The following PIR variants were observed in gnomAD, a reference collection of about 807,000 sequenced individuals.
PIR encodes the protein pirin.
PIR carries 22 observed loss-of-function variants against 24.2 expected under a neutral mutation model. The observed-to-expected ratio is 0.91, with a 90% CI of 0.65 to 1.30. The LOEUF (loss-of-function observed/expected upper bound fraction) is 1.30, where lower values mean the gene tolerates loss of function less well. Ranked by LOEUF, PIR falls within the 50% of genes most tolerant of loss-of-function variation. The pLI is 0.00. For missense variants in PIR, 220 were observed against 220.3 expected (o/e 1.00, Z 0.01); for synonymous variants, 80 against 79.6 (o/e 1.00, Z -0.03).
intron 5 of PIR, among the ~76,000 whole-genome samples, chrX:15,451,087 G>C (rs893628244): frequency 8.9e-6 from 1 of 111,805 alleles, no homozygotes; most frequent in South Asian, 3.7e-4. Context: ...CAATTAGTGG[G>C]CAGGTTGCTC....
rs150160260 is a variant in PIR, at chrX:15,413,225, G to A, written c.566-5675C>T. Among the ~76,000 whole-genome samples, 12 of 111,216 alleles carry A rather than the reference G, an allele frequency of 1.1e-4. 1 individual carries two copies. In the South Asian group the frequency reaches 1.6e-3, roughly 14 times the overall value. On this transcript the variant is annotated intron_variant, in intron 6 of 9. Coordinates refer to ENST00000380420, the MANE Select transcript of PIR (RefSeq NM_001018109.3). ...CCTTCAAATCTGTGCATGTGGAGAC[G>A]TTACACAATTCTGATGAGGCTGTGA...
intron 6 of PIR, 78 bp from the exon 7 acceptor site, chrX:15,407,628 CA>C (rs1924590590): frequency 1.4e-6 from 1 of 735,386 alleles, no homozygotes; most frequent in African/African-American, 2.1e-5. Flanking sequence ...ATTACAAACA[CA>C]AAGATAAATT....
chrX:15,395,076 C>T (rs771176327), intron 8 of PIR, among the ~76,000 whole-genome samples: 14 of 111,722 alleles, frequency 1.3e-4, no homozygotes, highest in Non-Finnish European at 2.4e-4. Flanking sequence ...ATGGGATTGG[C>T]GCGGCACTGG....
intron 8 of PIR, among the ~76,000 whole-genome samples, chrX:15,393,104 T>G (rs1038939971): frequency 8.9e-6 from 1 of 112,329 alleles, no homozygotes; most frequent in African/African-American, 3.2e-5. Context: ...CATACAAAAG[T>G]AGCAGAGGTC....
chrX:15,453,192 G>C lies in PIR; in HGVS notation c.480+2656C>G, dbSNP rs778453864. ...TTACTGGTGTCCTTTCTTGAGTGCA[G>C]GTTAATAACCCTTCCCAAATCACAG... On this transcript the variant is annotated intron_variant, in intron 5 of 9. Transcript: ENST00000380420. 2.7e-5 allele frequency among the ~76,000 whole-genome samples: 3 copies of C among 111,761 alleles called. No individual in the cohort carries two copies. In the South Asian group the frequency reaches 1.1e-3, roughly 42 times the overall value.
chrX:15,414,509 A>G (rs908233208), intron 6 of PIR, among the ~76,000 whole-genome samples: 1 of 112,337 alleles, frequency 8.9e-6, no homozygotes, highest in African/African-American at 3.2e-5. Context: ...AAACTAGTTT[A>G]GGCATTCGAA....
At chrX:15,454,672 AGAAGTTAGTT>A (rs1028293260) in intron 5 of PIR, among the ~76,000 whole-genome samples, 1 of 111,289 alleles carries the variant, frequency 9.0e-6, no homozygotes, top group Admixed American at 9.5e-5. Flanking sequence ...TAAAATTTAC[AGAAGTTAGTT>A]TTAGATAGTT....
chrX:15,478,022 C>A (rs910312895), intron 3 of PIR, among the ~76,000 whole-genome samples: 14 of 83,850 alleles, frequency 1.7e-4, no homozygotes, highest in African/African-American at 4.0e-4. Flanking sequence ...ATTCCCCCCC[C>A]CCCAGAAAGC....
At chrX:15,431,601 T>G (rs923504667) in intron 5 of PIR, among the ~76,000 whole-genome samples, 13 of 110,767 alleles carry the variant, frequency 1.2e-4, no homozygotes, top group African/African-American at 3.9e-4. Context: ...GTTGCACATT[T>G]TTTTTCCTTG....
chrX:15,399,886 A>T (rs1433666485), intron 7 of PIR, among the ~76,000 whole-genome samples: 1 of 111,393 alleles, frequency 9.0e-6, no homozygotes, highest in Non-Finnish European at 1.9e-5. Context: ...GATGTCAGAA[A>T]GGTCCATGGC....
At chrX:15,390,095 C>A in intron 9 of PIR, 90 bp downstream of exon 9, 4 of 428,238 alleles carry the variant, frequency 9.3e-6, no homozygotes, top group East Asian at 4.3e-5. Flanking sequence ...CAAAAAAAAC[C>A]AGCTATTCTT....
chrX:15,435,622 C>T (rs1925727417), intron 5 of PIR, among the ~76,000 whole-genome samples: 1 of 111,553 alleles, frequency 9.0e-6, no homozygotes, highest in Non-Finnish European at 1.9e-5. Context: ...TCCTCATCTT[C>T]CTTCTACCAC....
At chrX:15,418,656 G>C (rs554415668) in intron 6 of PIR, among the ~76,000 whole-genome samples, 16 of 111,863 alleles carry the variant, frequency 1.4e-4, no homozygotes, top group South Asian at 7.5e-4. Flanking sequence ...CACAACCCAA[G>C]AGAAACGTGC....
At chrX:15,404,669 A>G (rs1924498796) in intron 7 of PIR, among the ~76,000 whole-genome samples, 1 of 112,661 alleles carries the variant, frequency 8.9e-6, no homozygotes, top group African/African-American at 3.2e-5. Context: ...TATTGATTTT[A>G]TAAGTCAGTA....
chrX:15,410,635 T>C (rs1431748351), intron 6 of PIR, among the ~76,000 whole-genome samples: 1 of 111,886 alleles, frequency 8.9e-6, no homozygotes, highest in Non-Finnish European at 1.9e-5. Context: ...TTACATGATC[T>C]GGAAGGACCA....
In PIR at chrX:15,441,237, T is replaced by A. The variant is rs367890021; in HGVS notation, c.480+14611A>T. 5.3e-5 allele frequency among the ~76,000 whole-genome samples: 6 copies of A among 112,174 alleles called. No homozygotes were observed. The East Asian group carries it at 1.7e-3, about 31-fold the overall frequency. On this transcript the variant is annotated intron_variant, in intron 5 of 9. Coordinates refer to ENST00000380420, the MANE Select transcript of PIR (RefSeq NM_001018109.3). ...CTTATTTAGAATGCAATTTTAATTC[T>A]AGTTTATTTTAATGTGATTTATAAG...
chrX:15,449,704 C>A (rs930296127), intron 5 of PIR, among the ~76,000 whole-genome samples: 1 of 111,895 alleles, frequency 8.9e-6, no homozygotes, highest in African/African-American at 3.2e-5. Flanking sequence ...ATATTTGTAT[C>A]CATTTTTCTT....
chrX:15,399,880 T>A (rs1178300277), intron 7 of PIR, among the ~76,000 whole-genome samples: 2 of 111,352 alleles, frequency 1.8e-5, no homozygotes, highest in Non-Finnish European at 3.8e-5. Flanking sequence ...TTCACAGATG[T>A]CAGAAAGGTC....
chrX:15,492,388 G>A lies in PIR; in HGVS notation c.-53+802C>T, dbSNP rs546798401. Among the ~76,000 whole-genome samples, 34 of 111,640 alleles carry A rather than the reference G, an allele frequency of 3.0e-4. No individual in the cohort carries two copies. In the South Asian group the frequency reaches 0.012, roughly 40 times the overall value. On this transcript the variant is annotated intron_variant, in intron 1 of 9. Transcript: ENST00000380420. ...TACCTATAGCCAGAGTTTGTTATTCGAAAGTCTTTTCCTCTTTGGGAGGTC... is the reference window on the plus strand; with the variant it reads ...TACCTATAGCCAGAGTTTGTTATTCAAAAGTCTTTTCCTCTTTGGGAGGTC...
Sources: gnomAD v4.1 joint callset for allele counts (sites outside exome capture counted in the v4.1 genomes callset) on GRCh38, gnomAD v4.1.1 for gene constraint, MANE v1.5 for transcripts, NCBI Gene and HGNC (gene_info 2026-07-23, HGNC 2026-07-21) for gene names.